Variants in MYRFL observed in about 807,000 individuals in gnomAD.
MYRFL encodes the protein myelin regulatory factor like.
MYRFL carries 88 observed loss-of-function variants against 109.4 expected under a neutral mutation model. That is an observed-to-expected ratio of 0.80 (90% confidence interval 0.68 to 0.96). The LOEUF is 0.96. Ranked by LOEUF, MYRFL falls within the 40% of genes least tolerant of loss-of-function variation. The pLI is 0.00. For missense variants in MYRFL, 957 were observed against 954.9 expected (o/e 1.00, Z -0.03); for synonymous variants, 324 against 320.9 (o/e 1.01, Z -0.10).
At chr12:69,887,614 C>T (rs1365105579) in intron 6 of MYRFL, among the ~76,000 whole-genome samples, 1 of 152,094 alleles carries the variant, frequency 6.6e-6, no homozygotes, top group South Asian at 2.1e-4. Context: ...TGTAATTTAC[C>T]TACTTAAGCC....
intron 1 of MYRFL, among the ~76,000 whole-genome samples, chr12:69,851,140 A>T (rs1883853722): frequency 6.6e-6 from 1 of 152,240 alleles, no homozygotes; most frequent in Admixed American, 6.5e-5. Flanking sequence ...GGGACATCCT[A>T]TAAACAACTA....
chr12:69,884,054 C>T (rs555722659), intron 5 of MYRFL, among the ~76,000 whole-genome samples: 1 of 152,190 alleles, frequency 6.6e-6, no homozygotes, highest in East Asian at 1.9e-4. Context: ...CTGCAGGGCT[C>T]AAAGCATCCT....
In MYRFL at chr12:69,852,808, T is replaced by TCAAG. The variant is rs1356086187; in HGVS notation, c.47-2469_47-2466dup. Among the ~76,000 whole-genome samples, 4 of 152,000 alleles carry TCAAG rather than the reference T, an allele frequency of 2.6e-5. No individual in the cohort carries two copies. In the South Asian group the frequency reaches 6.2e-4, roughly 24 times the overall value. On this transcript the variant is annotated intron_variant, in intron 1 of 24. Transcript: ENST00000552032. ...ATGACTCTTAACGAGCGTGCTGCCT[T>TCAAG]CAAGCATCTGTTTAACAAAGCACAT...
Position 69,936,113 on chromosome 12 carries a change from TGCTTTGACGA to T in MYRFL, c.1918_1927del (p.Ala640Ter). 3 of 793,306 alleles carry T rather than the reference TGCTTTGACGA, an allele frequency of 3.8e-6. No homozygotes were observed. The highest frequency in any genetic ancestry group is 4.0e-5 in the East Asian group (1 of 25,088). The allele number at this position is 793,306 out of a possible 1,614,324, so 49.1% of individuals were successfully genotyped here. A position where few individuals can be genotyped will look rare whatever the true frequency, so the allele number is the denominator to read the frequency against. The stretch of plus-strand genomic sequence containing the variant: ...TTTTTTTTTTTTTTTTTTTTGACAG[TGCTTTGACGA>T]TAGTTGCCCTCTATATACTTAGCTT... On this transcript the variant is annotated frameshift_variant and splice_region_variant, in exon 17 of 25. Coordinates refer to ENST00000552032, the MANE Select transcript of MYRFL (RefSeq NM_182530.3). LOFTEE classifies it high-confidence loss of function.
chr12:69,886,615 C>T (rs1886467408), intron 5 of MYRFL, among the ~76,000 whole-genome samples: 2 of 152,044 alleles, frequency 1.3e-5, no homozygotes, highest in South Asian at 4.1e-4. Context: ...GTGTTTACCC[C>T]CCACCCTTTG....
intron 1 of MYRFL, among the ~76,000 whole-genome samples, chr12:69,853,582 C>A (rs1210536928): frequency 1.3e-5 from 2 of 150,686 alleles, no homozygotes; most frequent in Non-Finnish European, 3.0e-5. Flanking sequence ...ACGCTCCTCA[C>A]TTCCCAGACG....
rs1394252617 is a variant in MYRFL at position 69,855,286 on chromosome 12, G to T, written c.53G>T (p.Gly18Val). ...EALQQFFEAQ[G>V]ANGTLENPAL... The stretch of plus-strand genomic sequence containing the variant: ...TTTCAATTTGCCTTTGCAGCTCAGG[G>T]AGCCAATGGTACTCTGGAGAACCCA... The change falls in exon 2 of 25, where the codon GGA (glycine) becomes GTA (valine). Residue 18 changes from glycine (G) to valine (V), a missense_variant. By Grantham distance (109) the Gly-to-Val change is moderately radical (BLOSUM62 -3). Transcript: ENST00000552032. The T allele has an allele frequency of 1.4e-6, 1 of 701,670 alleles. No individual in the cohort carries two copies. Among genetic ancestry groups the T allele is most frequent in the South Asian group, 1.5e-5 (1 of 67,364 alleles). The allele number at this position is 701,670 out of a possible 1,614,324, so 43.5% of individuals were successfully genotyped here.
At chr12:69,855,800 T>G (rs1017573323) in intron 2 of MYRFL, among the ~76,000 whole-genome samples, 2 of 152,166 alleles carry the variant, frequency 1.3e-5, no homozygotes, top group Admixed American at 1.3e-4. Flanking sequence ...TTTTTCTTGG[T>G]TAATCTGACA....
intron 2 of MYRFL, among the ~76,000 whole-genome samples, chr12:69,860,206 T>C (rs1270436067): frequency 6.6e-6 from 1 of 152,224 alleles, no homozygotes; most frequent in Non-Finnish European, 1.5e-5. Context: ...TGGTGTTTGG[T>C]TTTCCATTTC....
chr12:69,859,766 A>G (rs945231288), intron 2 of MYRFL, among the ~76,000 whole-genome samples: 8 of 152,152 alleles, frequency 5.3e-5, no homozygotes, highest in African/African-American at 9.7e-5. Flanking sequence ...AAAGTCAGGA[A>G]ACAACAGGTG....
chr12:69,878,905 C>G (rs773641136), intron 2 of MYRFL, 123 bp from the exon 3 acceptor site: 6 of 668,434 alleles, frequency 9.0e-6, no homozygotes, highest in South Asian at 5.0e-5. Context: ...CCCTCACCCC[C>G]CCATGCCCAG....
chr12:69,933,196 C>T (rs566679558), intron 16 of MYRFL, among the ~76,000 whole-genome samples: 1 of 152,254 alleles, frequency 6.6e-6, no homozygotes, highest in South Asian at 2.1e-4. Context: ...GACACCATCC[C>T]GCCTCTGCAG....
At chr12:69,872,620 C>A (rs908231853) in intron 2 of MYRFL, among the ~76,000 whole-genome samples, 12 of 152,100 alleles carry the variant, frequency 7.9e-5, no homozygotes, top group Admixed American at 6.5e-5. Flanking sequence ...CCTGCCTCAG[C>A]CTCGTGAGTA....
chr12:69,936,038 G>A lies in MYRFL; in HGVS notation c.1917-75G>A, dbSNP rs187644856. On this transcript the variant is annotated intron_variant, in intron 16 of 24. Coordinates refer to ENST00000552032, the MANE Select transcript of MYRFL (RefSeq NM_182530.3). ...GTGAGAGTACATCTCTGGCCAGCTGGATGTGTGAGATATATCTGGAAACAA... is the reference window on the plus strand; with the variant it reads ...GTGAGAGTACATCTCTGGCCAGCTGAATGTGTGAGATATATCTGGAAACAA... 3,849 of 1,472,378 alleles carry A rather than the reference G, an allele frequency of 2.6e-3. 5 individuals carry two copies. Among genetic ancestry groups the A allele is most frequent in the Non-Finnish European group, 2.9e-3 (3,289 of 1,115,244 alleles). 91.2% of individuals were successfully genotyped at this position (1,472,378 alleles called of 1,614,324 possible).
Position 69,955,365 on chromosome 12 carries a change from C to G in MYRFL, c.2378C>G (p.Ser793Cys). The G allele has an allele frequency of 1.6e-6, 1 of 634,966 alleles. No homozygotes were observed. Among genetic ancestry groups the G allele is most frequent in the South Asian group, 1.9e-5 (1 of 53,694 alleles). The allele number at this position is 634,966 out of a possible 1,614,324, so 39.3% of individuals were successfully genotyped here. Residue 793 changes from serine to cysteine, a missense_variant and splice_region_variant, in exon 22 of 25, where the codon TCT (serine) becomes TGT (cysteine). By Grantham distance (112) the Ser-to-Cys change is moderately radical (BLOSUM62 -1). Transcript: ENST00000552032. ...QYCIQSLQCG[S>C]GNYNYNIPVN... is the part of the protein sequence containing the mutation. ...TTTTATTTTCTTTCCATAATTAGAT[C>G]TGGAAATTATAATTACAATATTCCT... is the stretch of plus-strand genomic sequence containing the variant.
intron 11 of MYRFL, among the ~76,000 whole-genome samples, chr12:69,905,565 G>A (rs1161798440): frequency 1.3e-5 from 2 of 152,142 alleles, no homozygotes; most frequent in East Asian, 1.9e-4. Flanking sequence ...GCCGAGAGGC[G>A]ATCTGTGACT....
chr12:69,880,179 C>T (rs1170531872), intron 4 of MYRFL, 22 bp from the exon 5 acceptor site: 4 of 701,586 alleles, frequency 5.7e-6, no homozygotes, highest in Non-Finnish European at 1.0e-5. Context: ...TCCTAACCTT[C>T]GTTTTGGTGT....
chr12:69,922,547 G>A (rs1302952090), intron 13 of MYRFL, among the ~76,000 whole-genome samples: 1 of 151,924 alleles, frequency 6.6e-6, no homozygotes, highest in Non-Finnish European at 1.5e-5. Context: ...TTCAATTCTT[G>A]TCCAATCTTA....
chr12:69,942,165 A>G (rs1196152843), intron 19 of MYRFL, among the ~76,000 whole-genome samples: 4 of 121,268 alleles, frequency 3.3e-5, no homozygotes, highest in African/African-American at 1.3e-4. Flanking sequence ...AAAAGAGGGA[A>G]TCCTCCCTAA....
Sources: allele counts gnomAD v4.1 joint callset (sites outside exome capture counted in the v4.1 genomes callset), GRCh38; gene constraint gnomAD v4.1.1; transcripts MANE v1.5; gene names NCBI Gene and HGNC (gene_info 2026-07-23, HGNC 2026-07-21).